The following CPT1B variants were observed in gnomAD, a reference collection of about 807,000 sequenced individuals.
The protein encoded by CPT1B is carnitine palmitoyltransferase 1B.
Under a neutral mutation model 92.7 loss-of-function variants are expected in CPT1B, and 57 were observed. The observed-to-expected ratio is 0.62, with a 90% CI of 0.50 to 0.77. The LOEUF is 0.77. CPT1B is among the 30% of genes least tolerant of loss of function. The pLI is 0.00. For missense variants in CPT1B, 983 were observed against 1,017.4 expected, an observed-to-expected ratio of 0.97 and a Z score of 0.46; for synonymous variants, 398 against 383.5, an observed-to-expected ratio of 1.04 and a Z score of -0.44.
chr22:50,575,798 C>T (rs997874450), intron 7 of CPT1B, among the ~76,000 whole-genome samples: 60 of 152,290 alleles, frequency 3.9e-4, no homozygotes, highest in African/African-American at 1.4e-3. Context: ...CTCTGAGAAG[C>T]GGTGGCAGGC....
At position 50,570,371 on chromosome 22, in the gene CPT1B, C is replaced by G. The variant is rs770313882; in HGVS notation, c.2064G>C (p.Gln688His). The G allele has an allele frequency of 1.9e-6, 3 of 1,608,340 alleles. No homozygotes were observed. The highest frequency in any genetic ancestry group is 1.7e-6 in the Non-Finnish European group (2 of 1,176,450). Reference protein sequence around the residue: ...LSEPWRLSTSQIPQSQIRMFD... With the variant: ...LSEPWRLSTSHIPQSQIRMFD... ...ACATGCGGATCTGGGATTGGGGGAT[C>G]TGGCTGGTGGAGAGACGCCAGGGTT... The change falls in exon 17 of 20, where the codon CAG becomes CAC. Residue 688 changes from glutamine to histidine, a missense_variant. Gln to His is a conservative substitution (Grantham distance 24). Coordinates refer to ENST00000312108, the MANE Select transcript of CPT1B (RefSeq NM_152246.3).
At position 50,577,450 on chromosome 22, in the gene CPT1B, C is replaced by T; in HGVS notation, c.155G>A (p.Arg52Lys). ...RLIRIKNGIL[R>K]GVYPGSPTSW... The stretch of plus-strand genomic sequence containing the variant: ...GGTGGGGCTGCCAGGGTACACGCCC[C>T]TGAGGATGCCATTCTGTGGGCAGAA... Residue 52 changes from arginine (R) to lysine (K), a missense_variant, in exon 3 of 20, where the codon AGG becomes AAG. Coordinates refer to ENST00000312108, the MANE Select transcript of CPT1B (RefSeq NM_152246.3). 1.2e-6 allele frequency: 2 copies of T among 1,613,648 alleles called. No individual in the cohort carries two copies. The highest frequency in any genetic ancestry group is 1.7e-6 in the Non-Finnish European group (2 of 1,179,960).
rs1233848722 is a variant in CPT1B, at chr22:50,576,591, A to G, written c.506T>C (p.Phe169Ser). Reference protein sequence around the residue: ...LSSRHPMLYSFQTSLPKLPVP... With the variant: ...LSSRHPMLYSSQTSLPKLPVP... ...AGGAAGCTTGGGCAGAGATGTCTGG[A>G]AGCTGTAGAGCATAGGGTGCCGGCT... The change falls in exon 5 of 20, where the codon TTC becomes TCC. Residue 169 changes from phenylalanine to serine, a missense_variant. Coordinates refer to ENST00000312108, the MANE Select transcript of CPT1B (RefSeq NM_152246.3). 6.2e-7 allele frequency: 1 copy of G among 1,609,662 alleles called. No individual in the cohort carries two copies. The highest frequency in any genetic ancestry group is 8.5e-7 in the Non-Finnish European group (1 of 1,178,174).
In CPT1B at chr22:50,573,056, C is replaced by G. The variant is rs953654866; in HGVS notation, c.1171G>C (p.Glu391Gln). Residue 391 changes from glutamate (E) to glutamine (Q), a missense_variant, in exon 11 of 20, where the codon GAG becomes CAG. Glu to Gln is a conservative substitution (Grantham distance 29, BLOSUM62 2). Coordinates refer to ENST00000312108, the MANE Select transcript of CPT1B (RefSeq NM_152246.3). The surrounding 1 kb of genome is among the most constrained non-coding windows in gnomAD (Gnocchi z 5.0). ...LAALTAGGRV[E>Q]WAQARQAFFS... ...AAGGCCTGGCGTGCCTGCGCCCACT[C>G]CACCCTGAAGCATGGGGCAGGGTAA... is the stretch of plus-strand genomic sequence containing the variant. 11 of 1,597,644 alleles carry G rather than the reference C, an allele frequency of 6.9e-6. No homozygotes were observed. Among genetic ancestry groups the G allele is most frequent in the Non-Finnish European group, 8.6e-6 (10 of 1,167,236 alleles).
Position 50,576,125 on chromosome 22 carries a change from G to A in CPT1B, c.700-13C>T. 6.2e-7 allele frequency: 1 copy of A among 1,614,120 alleles called. No homozygotes were observed. Among genetic ancestry groups the A allele is most frequent in the Non-Finnish European group, 8.5e-7 (1 of 1,180,012 alleles). On this transcript the variant is annotated splice_polypyrimidine_tract_variant and intron_variant, in intron 6 of 19. Transcript: ENST00000312108. Reference sequence around the variant, plus strand: ...ACCAGTCACTCACCTGTGGGGAGGTGGAAGGTTAGAGCTGGGGCGGGTGCA... The same window carrying A: ...ACCAGTCACTCACCTGTGGGGAGGTAGAAGGTTAGAGCTGGGGCGGGTGCA...
In CPT1B at chr22:50,570,402, A is replaced by G. The variant is rs1360862102; in HGVS notation, c.2033T>C (p.Leu678Pro). 1 of 1,593,170 alleles carries G rather than the reference A, an allele frequency of 6.3e-7. No homozygotes were observed. The highest frequency in any genetic ancestry group is 2.2e-5 in the East Asian group (1 of 44,674). ...GGTGGAGAGACGCCAGGGTTCCGAGAGCACCTGCAATGGAGGCCACAGCTG... is the reference window on the plus strand; with the variant it reads ...GGTGGAGAGACGCCAGGGTTCCGAGGGCACCTGCAATGGAGGCCACAGCTG... Reference protein sequence around the residue: ...GVSSPFLAEVLSEPWRLSTSQ... With the variant: ...GVSSPFLAEVPSEPWRLSTSQ... Residue 678 changes from leucine (L) to proline (P), a missense_variant, in exon 17 of 20, where the codon CTC (leucine) becomes CCC (proline). Coordinates refer to ENST00000312108, the MANE Select transcript of CPT1B (RefSeq NM_152246.3).
intron 17 of CPT1B, 61 bp downstream of exon 17, chr22:50,570,232 C>A: frequency 2.3e-6 from 3 of 1,288,568 alleles, no homozygotes; most frequent in South Asian, 2.9e-5. Context: ...AGGGCCTGCA[C>A]TCGCCACTGA....
At chr22:50,575,413 C>A (rs527577100) in intron 7 of CPT1B, among the ~76,000 whole-genome samples, 1 of 152,332 alleles carries the variant, frequency 6.6e-6, no homozygotes, top group African/African-American at 2.4e-5. Flanking sequence ...CTGCTATGGG[C>A]AAGTTGTGTG....
intron 1 of CPT1B, 95 bp from the exon 2 acceptor site, chr22:50,578,029 C>T (rs1388852123): frequency 2.5e-6 from 2 of 805,438 alleles, no homozygotes; most frequent in Non-Finnish European, 1.6e-6. Context: ...ACCCCTCGCG[C>T]CCCCCACCCC....
At position 50,569,303 on chromosome 22, in the gene CPT1B, T is replaced by G. The variant is rs1400752150; in HGVS notation, c.*2+33A>C. The G allele has an allele frequency of 1.9e-6, 3 of 1,606,162 alleles. No individual in the cohort carries two copies. The South Asian group carries it at 3.3e-5, about 18-fold the overall frequency. On this transcript the variant is annotated intron_variant, in intron 19 of 19. Transcript: ENST00000312108. ...GCCACAGGTCCCTTCCTCCACAGTG[T>G]GGGGACGAAAGGGCAGCTGGCATTT...
Position 50,569,380 on chromosome 22 carries a change from C to T in CPT1B, c.2277G>A (p.Leu759=), listed in dbSNP as rs780745724. ...RFGNHIRKAL[L]DIADLFQVPK... ...GAACTTGGAAAAGATCAGCAATGTC[C>T]AGCAGGGCTTTGCGGATGTGGTTTC... The change falls in exon 19 of 20, where the codon CTG becomes CTA. Residue 759 remains leucine, a synonymous_variant. Transcript: ENST00000312108. The T allele has an allele frequency of 8.7e-6, 14 of 1,614,028 alleles. No individual in the cohort carries two copies. The highest frequency in any genetic ancestry group is 1.6e-4 in the Middle Eastern group (1 of 6,078).
chr22:50,576,694 C>G, intron 4 of CPT1B, 57 bp from the exon 5 acceptor site: 1 of 1,578,278 alleles, frequency 6.3e-7, no homozygotes, highest in Non-Finnish European at 8.7e-7. Context: ...TGGAAACCAA[C>G]CAGCAACTCC....
At position 50,574,503 on chromosome 22, in the gene CPT1B, T is replaced by C; in HGVS notation, c.875A>G (p.Glu292Gly). 1 of 1,614,154 alleles carries C rather than the reference T, an allele frequency of 6.2e-7. No homozygotes were observed. The highest frequency in any genetic ancestry group is 8.5e-7 in the Non-Finnish European group (1 of 1,180,022). ...CCTGACGCAACTCACAGGCTTGATT[T>C]CTTCACGGTCCAGTTTACGGCGATA... ...IMYRRKLDREEIKPVMALGIV... is the reference protein window; with the variant it reads ...IMYRRKLDREGIKPVMALGIV... Residue 292 changes from glutamate (E) to glycine (G), a missense_variant, in exon 8 of 20, where the codon GAA (glutamate) becomes GGA (glycine). Transcript: ENST00000312108.
rs912534599 is a variant in CPT1B at position 50,573,467 on chromosome 22, C to G, written c.1166+53G>C. ...TGGCAGGCAGGGCCACGCTCCTCTCCTCACGGAGCCCTGAACTCAGGGTGG... is the reference window on the plus strand; with the variant it reads ...TGGCAGGCAGGGCCACGCTCCTCTCGTCACGGAGCCCTGAACTCAGGGTGG... On this transcript the variant is annotated intron_variant, in intron 10 of 19. Transcript: ENST00000312108. This position sits in a 1 kb window ranked among gnomAD's most constrained non-coding sequence, Gnocchi z 5.0. 4.0e-6 allele frequency: 6 copies of G among 1,501,250 alleles called. No individual in the cohort carries two copies. Among genetic ancestry groups the G allele is most frequent in the Non-Finnish European group, 5.4e-6 (6 of 1,110,732 alleles). 93.0% of individuals were successfully genotyped at this position (1,501,250 alleles called of 1,614,324 possible). A position where few individuals can be genotyped will look rare whatever the true frequency, so the allele number is the denominator to read the frequency against.
Position 50,571,223 on chromosome 22 carries a change from T to A in CPT1B, c.1810A>T (p.Thr604Ser), listed in dbSNP as rs1438434944. 1 of 1,614,032 alleles carries A rather than the reference T, an allele frequency of 6.2e-7. No homozygotes were observed. Among genetic ancestry groups the A allele is most frequent in the Non-Finnish European group, 8.5e-7 (1 of 1,180,006 alleles). ...GACTCGCTGGTACAGGAACGCACAG[T>A]CTCAGTCCGTCCCTCCCGGAACATT... Reference protein sequence around the residue: ...TRMFREGRTETVRSCTSESTA... With the variant: ...TRMFREGRTESVRSCTSESTA... The change falls in exon 15 of 20, where the codon ACT becomes TCT. Residue 604 changes from threonine (T) to serine (S), a missense_variant. By Grantham distance (58) the Thr-to-Ser change is moderately conservative. Coordinates refer to ENST00000312108, the MANE Select transcript of CPT1B (RefSeq NM_152246.3).
In CPT1B at chr22:50,570,712, C is replaced by T. The variant is rs1448735111; in HGVS notation, c.2028+179G>A. On this transcript the variant is annotated intron_variant, in intron 16 of 19. Transcript: ENST00000312108. ...CCAACACCACAAAGAGGATGTTGCT[C>T]CTGCTCAGTCCCAGGACCACAGGCC... is the stretch of plus-strand genomic sequence containing the variant. Among the ~76,000 whole-genome samples the T allele has an allele frequency of 2.6e-5, 4 of 152,236 alleles. No homozygotes were observed. The East Asian group carries it at 7.7e-4, about 29-fold the overall frequency.
rs1569049443 is a variant in CPT1B, at chr22:50,577,758, G to A, written c.141+17C>T. 8.1e-6 allele frequency: 13 copies of A among 1,609,046 alleles called. No individual in the cohort carries two copies. The highest frequency in any genetic ancestry group is 1.7e-5 in the Admixed American group (1 of 59,954). On this transcript the variant is annotated intron_variant, in intron 2 of 19. Transcript: ENST00000312108. The stretch of plus-strand genomic sequence containing the variant: ...GCCGGCCTCTGCCTACGCTCTGGGA[G>A]AAGCACCTGTGCGCACCTTGATGCG...
rs764112293 is a variant in CPT1B at position 50,570,304 on chromosome 22, C to T, written c.2131G>A (p.Gly711Ser). The T allele has an allele frequency of 1.3e-6, 2 of 1,579,128 alleles. No individual in the cohort carries two copies. Among genetic ancestry groups the T allele is most frequent in the Non-Finnish European group, 8.6e-7 (1 of 1,159,990 alleles). ...QHPNHLGAGG[G>S]FGPVADDGYG... Reference sequence around the variant, plus strand: ...TCAGGAGCACTCACAGGGCCAAAGCCACCTCCAGCGCCCAGGTGATTGGGG... The same window carrying T: ...TCAGGAGCACTCACAGGGCCAAAGCTACCTCCAGCGCCCAGGTGATTGGGG... The change falls in exon 17 of 20, where the codon GGC (glycine) becomes AGC (serine). Residue 711 changes from glycine (G) to serine (S), a missense_variant. Gly to Ser is a moderately conservative substitution (Grantham distance 56). Transcript: ENST00000312108.
In CPT1B at chr22:50,571,056, A is replaced by G. The variant is rs2070140687; in HGVS notation, c.1876-13T>C. ...GCAGGTCTGCTTTCTGCGGGGCAGA[A>G]GTAAAGGGGTGAAGAGTAGCCCTGG... On this transcript the variant is annotated splice_polypyrimidine_tract_variant and intron_variant, in intron 15 of 19. Coordinates refer to ENST00000312108, the MANE Select transcript of CPT1B (RefSeq NM_152246.3). 6.2e-7 allele frequency: 1 copy of G among 1,613,420 alleles called. No homozygotes were observed. Among genetic ancestry groups the G allele is most frequent in the Non-Finnish European group, 8.5e-7 (1 of 1,179,616 alleles).
Sources: gnomAD v4.1 joint callset for allele counts (sites outside exome capture counted in the v4.1 genomes callset) on GRCh38, gnomAD v4.1.1 for gene constraint, Gnocchi (gnomAD v3.1) non-coding constraint, MANE v1.5 for transcripts, NCBI Gene and HGNC (gene_info 2026-07-23, HGNC 2026-07-21) for gene names.